TRIOBP: variants seen among roughly 807,000 people sequenced by gnomAD.
TRIOBP encodes TRIO and F-actin binding protein, also known as TRIO and F-actin-binding protein.
Under a neutral mutation model 238.8 loss-of-function variants are expected in TRIOBP, and 169 were observed. The observed-to-expected ratio is 0.71, with a 90% CI of 0.62 to 0.80. The LOEUF is 0.80. Ranked by LOEUF, TRIOBP falls within the 30% of genes least tolerant of loss-of-function variation. The pLI is 0.00. For synonymous variants in TRIOBP, 1,150 were observed against 1,274.4 expected (o/e 0.90, Z 2.08); for missense variants, 2,838 against 3,122.6 (o/e 0.91, Z 2.17).
At chr22:37,772,008 G>A (rs1926801405) in intron 22 of TRIOBP, 2 of 516,590 alleles carry the variant, frequency 3.9e-6, no homozygotes, top group Admixed American at 5.0e-5. Flanking sequence ...ACTATATCCT[G>A]GGCACTGTGC....
intron 6 of TRIOBP, among the ~76,000 whole-genome samples, chr22:37,720,559 A>G (rs998185476): frequency 2.6e-5 from 4 of 152,206 alleles, no homozygotes; most frequent in African/African-American, 9.6e-5. Context: ...TGGATGAACA[A>G]TGACATTGGC....
At chr22:37,749,974 G>A (rs955268795) in intron 11 of TRIOBP, among the ~76,000 whole-genome samples, 6 of 151,954 alleles carry the variant, frequency 3.9e-5, no homozygotes, top group Middle Eastern at 3.2e-3. Context: ...AACTCAAATT[G>A]GTGACCTTCT....
chr22:37,734,072 G>C (rs1030562532), intron 8 of TRIOBP, among the ~76,000 whole-genome samples: 2 of 152,224 alleles, frequency 1.3e-5, no homozygotes, highest in Admixed American at 1.3e-4. Context: ...AACCCAGAGG[G>C]CTAGGCCCGC....
In TRIOBP at chr22:37,734,509, G is replaced by T. The variant is rs1023702062; in HGVS notation, c.4173G>T (p.Gly1391=). Residue 1391 remains glycine, a synonymous_variant, in exon 9 of 24, where the codon GGG becomes GGT. Coordinates refer to ENST00000644935, the MANE Select transcript of TRIOBP (RefSeq NM_001039141.3). ...CTGAGGGAGATCGGCAGCTCCAGGG[G>T]TCCCCGCTGCCCCCCAGGACATCAG... The part of the protein sequence containing the change: ...KRPEGDRQLQ[G]SPLPPRTSAR... 2.5e-6 allele frequency: 4 copies of T among 1,607,796 alleles called. No individual in the cohort carries two copies. Among genetic ancestry groups the T allele is most frequent in the South Asian group, 1.1e-5 (1 of 90,174 alleles).
At chr22:37,765,518 G>A in intron 17 of TRIOBP, 152 bp from the exon 18 acceptor site, 1 of 965,084 alleles carries the variant, frequency 1.0e-6, no homozygotes, top group Non-Finnish European at 1.6e-6. Flanking sequence ...CCGTGGGGTG[G>A]GGGTGGGAGC....
chr22:37,755,531 C>A lies in TRIOBP; in HGVS notation c.5578-19C>A, dbSNP rs749466520. 2 of 1,609,214 alleles carry A rather than the reference C, an allele frequency of 1.2e-6. No individual in the cohort carries two copies. The highest frequency in any genetic ancestry group is 2.2e-5 in the East Asian group (1 of 44,862). ...TGCGGCTGGCCATGTGGCAACCTACCCATGCGGTGGCCTTGCAGACCAAGG... is the reference window on the plus strand; with the variant it reads ...TGCGGCTGGCCATGTGGCAACCTACACATGCGGTGGCCTTGCAGACCAAGG... On this transcript the variant is annotated intron_variant, in intron 14 of 23. Transcript: ENST00000644935.
intron 10 of TRIOBP, among the ~76,000 whole-genome samples, chr22:37,739,738 C>T (rs1289468379): frequency 1.3e-5 from 2 of 152,206 alleles, no homozygotes; most frequent in Non-Finnish European, 2.9e-5. Context: ...GGACACTGGT[C>T]GCTAAAGGCG....
Position 37,765,652 on chromosome 22 carries a change from C to G in TRIOBP, c.6325-18C>G. 6.5e-7 allele frequency: 1 copy of G among 1,549,092 alleles called. No homozygotes were observed. The highest frequency in any genetic ancestry group is 8.7e-7 in the Non-Finnish European group (1 of 1,146,840). On this transcript the variant is annotated intron_variant, in intron 17 of 23. Transcript: ENST00000644935. ...GAGGAACGGGGCAGCCTGTGACACC[C>G]TGGCGTCCGGCCCACAGGAGGCATG...
chr22:37,740,983 C>A lies in TRIOBP; in HGVS notation c.5273C>A (p.Thr1758Lys), dbSNP rs200859910. The change falls in exon 11 of 24, where the codon ACG becomes AAG. Residue 1758 changes from threonine (T) to lysine (K), a missense_variant. Around this residue, in one of 5 missense-constraint regions of TRIOBP, gnomAD observed 2,096 missense variants for 2,137.4 expected, o/e 0.98. Transcript: ENST00000644935. ...TSWRMPGDRP[T>K]LFNPFLLSLG... is the part of the protein sequence containing the mutation. The stretch of plus-strand genomic sequence containing the variant: ...TGGCGGATGCCCGGGGACCGGCCCA[C>A]GCTGTTCAATCCGTTCCTGCTGTCT... 8.6e-5 allele frequency: 134 copies of A among 1,560,456 alleles called. No homozygotes were observed. The highest frequency in any genetic ancestry group is 1.1e-4 in the Non-Finnish European group (127 of 1,151,836).
At position 37,733,482 on chromosome 22, in the gene TRIOBP, A is replaced by G. The variant is rs1038486918; in HGVS notation, c.4062+70A>G. On this transcript the variant is annotated intron_variant, in intron 8 of 23. Transcript: ENST00000644935. ...CCACTGCCTCTTCCCTCCCGCTAGA[A>G]GCCAGGCAGGGGGCTTGGACAGGAA... The G allele has an allele frequency of 2.4e-6, 3 of 1,243,500 alleles. No homozygotes were observed. In the African/African-American group the frequency reaches 4.5e-5, roughly 19 times the overall value. 77.0% of individuals were successfully genotyped at this position (1,243,500 alleles called of 1,614,324 possible). A position where few individuals can be genotyped will look rare whatever the true frequency, so the allele number is the denominator to read the frequency against.
Position 37,757,869 on chromosome 22 carries a change from C to A in TRIOBP, c.5944C>A (p.Arg1982Ser), listed in dbSNP as rs752462357. The change falls in exon 16 of 24, where the codon CGC becomes AGC. Residue 1982 changes from arginine (R) to serine (S), a missense_variant. Transcript: ENST00000644935. ...GGAGCTGGAGCGGGACCTGGCCCAG[C>A]GCTCCGAGGAGCGGCGCAAGTGGTT... is the stretch of plus-strand genomic sequence containing the variant. ...QEELERDLAQRSEERRKWFEA... is the reference protein window; with the variant it reads ...QEELERDLAQSSEERRKWFEA... 2.6e-6 allele frequency: 4 copies of A among 1,552,564 alleles called. No individual in the cohort carries two copies. In the African/African-American group the frequency reaches 4.1e-5, roughly 16 times the overall value.
chr22:37,718,537 C>A (rs1411283512), intron 6 of TRIOBP, among the ~76,000 whole-genome samples: 1 of 150,160 alleles, frequency 6.7e-6, no homozygotes, highest in African/African-American at 2.5e-5. Flanking sequence ...TAATATGCCC[C>A]CTGATATGAT....
At position 37,724,761 on chromosome 22, in the gene TRIOBP, C is replaced by G; in HGVS notation, c.2205C>G (p.Arg735=). 3 of 1,604,022 alleles carry G rather than the reference C, an allele frequency of 1.9e-6. No individual in the cohort carries two copies. The highest frequency in any genetic ancestry group is 2.6e-6 in the Non-Finnish European group (3 of 1,174,946). Residue 735 remains arginine (R), a synonymous_variant, in exon 7 of 24, where the codon CGC becomes CGG. Transcript: ENST00000644935. Reference sequence around the variant, plus strand: ...GGGACAATCCCAGAGCCTCCTCTCGCAACAGAACCATCCAGCGAGACAACC... The same window carrying G: ...GGGACAATCCCAGAGCCTCCTCTCGGAACAGAACCATCCAGCGAGACAACC... ...ARRDNPRASS[R]NRTIQRDNPR...
rs542690211 is a variant in TRIOBP, at chr22:37,710,245, C to T, written c.115-182C>T. Among the ~76,000 whole-genome samples, 6 of 152,354 alleles carry T rather than the reference C, an allele frequency of 3.9e-5. No homozygotes were observed. The South Asian group carries it at 1.2e-3, about 32-fold the overall frequency. ...ACGTGTGCAGGCACACACCAGGTAC[C>T]TCAGCCAGCCCTCGGCTTGAGTCCC... On this transcript the variant is annotated intron_variant, in intron 3 of 23. Transcript: ENST00000644935.
chr22:37,723,050 G>T, intron 6 of TRIOBP, 135 bp from the exon 7 acceptor site: 5 of 831,800 alleles, frequency 6.0e-6, no homozygotes, highest in Non-Finnish European at 9.5e-6. Flanking sequence ...GAGTCACTTG[G>T]TACAGACAGT....
At chr22:37,754,809 G>T in intron 12 of TRIOBP, 68 bp from the exon 13 acceptor site, 2 of 1,519,422 alleles carry the variant, frequency 1.3e-6, no homozygotes, top group Non-Finnish European at 1.8e-6. Flanking sequence ...AGCATAGTGA[G>T]TTTGGCAGCC....
Position 37,701,463 on chromosome 22 carries a change from A to G in TRIOBP, c.98A>G (p.His33Arg). ...AACTGCTTCCACCCTGAGGAGGCCCATGGAGCAAGATACCAGGTGGGCCAG... is the reference window on the plus strand; with the variant it reads ...AACTGCTTCCACCCTGAGGAGGCCCGTGGAGCAAGATACCAGGTGGGCCAG... ...CQNCFHPEEAHGARYQELRSP... is the reference protein window; with the variant it reads ...CQNCFHPEEARGARYQELRSP... Residue 33 changes from histidine (H) to arginine (R), a missense_variant, in exon 3 of 24, where the codon CAT becomes CGT. By Grantham distance (29) the His-to-Arg change is conservative. Coordinates refer to ENST00000644935, the MANE Select transcript of TRIOBP (RefSeq NM_001039141.3). 6.2e-7 allele frequency: 1 copy of G among 1,612,128 alleles called. No homozygotes were observed. Among genetic ancestry groups the G allele is most frequent in the Non-Finnish European group, 8.5e-7 (1 of 1,179,276 alleles).
At chr22:37,707,445 G>A (rs560101450) in intron 3 of TRIOBP, among the ~76,000 whole-genome samples, 4 of 151,976 alleles carry the variant, frequency 2.6e-5, no homozygotes, top group African/African-American at 4.8e-5. Flanking sequence ...ACCCTCAGAT[G>A]CTGCTGCTGG....
intron 21 of TRIOBP, among the ~76,000 whole-genome samples, chr22:37,770,638 A>G (rs1486783613): frequency 1.3e-5 from 2 of 151,560 alleles, no homozygotes; most frequent in African/African-American, 2.4e-5. Flanking sequence ...CGGCCTCTCA[A>G]AGTGTTGGGA....
Sources: gnomAD v4.1 joint callset for allele counts (sites outside exome capture counted in the v4.1 genomes callset) on GRCh38, gnomAD v4.1.1 for gene constraint, gnomAD v4.1.1 regional missense constraint, MANE v1.5 for transcripts, NCBI Gene and HGNC (gene_info 2026-07-23, HGNC 2026-07-21) for gene names.